KCNG2: variants seen among roughly 807,000 people sequenced by gnomAD.
The protein encoded by KCNG2 is potassium voltage-gated channel modifier subfamily G member 2, also known as voltage-gated potassium channel regulatory subunit KCNG2.
A neutral mutation model predicts 12.3 loss-of-function variants in KCNG2; 7 were observed. The ratio of observed to expected loss-of-function variants is 0.57; its 90% confidence interval spans 0.32 to 1.07. KCNG2 has a LOEUF of 1.07. Ranked by LOEUF, KCNG2 falls within the 50% of genes least tolerant of loss-of-function variation. The pLI is 0.04. For synonymous variants in KCNG2, 414 were observed against 351.4 expected, an observed-to-expected ratio of 1.18 and a Z score of -1.99; for missense variants, 703 against 726.0, an observed-to-expected ratio of 0.97 and a Z score of 0.36.
chr18:79,825,365 C>T (rs1288968950), intron 1 of KCNG2, among the ~76,000 whole-genome samples: 1 of 152,196 alleles, frequency 6.6e-6, no homozygotes, highest in Non-Finnish European at 1.5e-5. Context: ...CCTAAGTCAT[C>T]CTACAGCTAT....
At position 79,807,327 on chromosome 18, in the gene KCNG2, G is replaced by A. The variant is rs554249567; in HGVS notation, c.-115+9313G>A. ...TTGGGGTGCCGCGAGCAAACCTCAC[G>A]CCCTCCTCACCTTGCCGACGCTCTC... is the stretch of plus-strand genomic sequence containing the variant. On this transcript the variant is annotated intron_variant, in intron 1 of 3. Coordinates refer to ENST00000316249, the MANE Select transcript of KCNG2 (RefSeq NM_012283.2). Among the ~76,000 whole-genome samples, 75 of 152,196 alleles carry A rather than the reference G, an allele frequency of 4.9e-4. No homozygotes were observed. In the South Asian group the frequency reaches 0.015, roughly 30 times the overall value.
In KCNG2 at chr18:79,889,333, C is replaced by T. The variant is rs367551296; in HGVS notation, c.625-9707C>T. On this transcript the variant is annotated intron_variant, in intron 3 of 3. Transcript: ENST00000316249. ...AATTTTTGCGTATGGTTCAGGTAAG[C>T]GCTCAGCTGGATTCCTTTGTGTGTG... Among the ~76,000 whole-genome samples the T allele has an allele frequency of 1.7e-4, 26 of 152,294 alleles. 1 individual carries two copies. The South Asian group carries it at 2.5e-3, about 15-fold the overall frequency.
rs552508181 is a variant in KCNG2, at chr18:79,856,431, C to A, written c.-62C>A. Among the ~76,000 whole-genome samples, 10 of 152,342 alleles carry A rather than the reference C, an allele frequency of 6.6e-5. No homozygotes were observed. In the East Asian group the frequency reaches 1.9e-3, roughly 29 times the overall value. ...TTCACCGGTTCCCTGAAAGAGAATA[C>A]CCTGTACCTTCACAGAGCCAGGTAA... On this transcript the variant is annotated 5_prime_UTR_variant, in exon 2 of 4. Coordinates refer to ENST00000316249, the MANE Select transcript of KCNG2 (RefSeq NM_012283.2).
chr18:79,823,980 T>C (rs1037294573), intron 1 of KCNG2, among the ~76,000 whole-genome samples: 1 of 152,248 alleles, frequency 6.6e-6, no homozygotes, highest in Non-Finnish European at 1.5e-5. Flanking sequence ...TTTTTCCTAC[T>C]GTAAATGGAC....
At chr18:79,858,267 G>T (rs1194512687) in intron 2 of KCNG2, among the ~76,000 whole-genome samples, 1 of 152,260 alleles carries the variant, frequency 6.6e-6, no homozygotes, top group African/African-American at 2.4e-5. Flanking sequence ...CTCCCAAAAT[G>T]CTGGGATTAC....
In KCNG2 at chr18:79,873,434, C is replaced by G. The variant is rs966497355; in HGVS notation, c.624+9143C>G. On this transcript the variant is annotated intron_variant, in intron 3 of 3. Transcript: ENST00000316249. ...GCTCCTGCCGGCCCCCCTCCCCCCC[C>G]CCCAGCCACCTCCTGTCAGTCTTCC... Among the ~76,000 whole-genome samples the G allele has an allele frequency of 4.9e-3, 704 of 145,154 alleles. 15 individuals are homozygous for G. The highest frequency in any genetic ancestry group is 0.017 in the African/African-American group (652 of 39,424).
intron 3 of KCNG2, among the ~76,000 whole-genome samples, chr18:79,871,299 C>A (rs1010666422): frequency 6.6e-6 from 1 of 152,236 alleles, no homozygotes; most frequent in Non-Finnish European, 1.5e-5. Flanking sequence ...TGTGGGGGAC[C>A]CTTGGAGCCC....
At chr18:79,818,722 C>T (rs1055473343) in intron 1 of KCNG2, among the ~76,000 whole-genome samples, 2 of 152,198 alleles carry the variant, frequency 1.3e-5, no homozygotes, top group African/African-American at 4.8e-5. Flanking sequence ...TCAGTTCGTA[C>T]CTGCGAGAGA....
chr18:79,861,419 C>T lies in KCNG2; in HGVS notation c.-40-2209C>T, dbSNP rs530343299. On this transcript the variant is annotated intron_variant, in intron 2 of 3. Transcript: ENST00000316249. ...TCAGCCTCCCGAGTAGCTGGGATTA[C>T]GGGCACCTGCCACCACACCCCGCTA... 8.6e-5 allele frequency among the ~76,000 whole-genome samples: 13 copies of T among 152,028 alleles called. No homozygotes were observed. In the South Asian group the frequency reaches 1.2e-3, roughly 15 times the overall value.
intron 1 of KCNG2, among the ~76,000 whole-genome samples, chr18:79,828,703 T>C (rs1000528592): frequency 2.7e-5 from 4 of 149,616 alleles, no homozygotes; most frequent in Admixed American, 1.3e-4. Context: ...CTACAGGAAT[T>C]TGCGTGTGTG....
intron 3 of KCNG2, among the ~76,000 whole-genome samples, chr18:79,883,305 C>T (rs896993562): frequency 2.2e-4 from 34 of 152,200 alleles, no homozygotes; most frequent in Non-Finnish European, 3.8e-4. Flanking sequence ...GGGAGCTGTC[C>T]TGCGTCTTTG....
At chr18:79,888,241 T>C (rs149063087) in intron 3 of KCNG2, among the ~76,000 whole-genome samples, 9 of 151,780 alleles carry the variant, frequency 5.9e-5, no homozygotes, top group Admixed American at 1.3e-4. Flanking sequence ...ACGTTTGGGG[T>C]GGCACGCTGG....
At chr18:79,844,065 G>C (rs1978545005) in intron 1 of KCNG2, among the ~76,000 whole-genome samples, 1 of 152,152 alleles carries the variant, frequency 6.6e-6, no homozygotes, top group Non-Finnish European at 1.5e-5. Context: ...GTAACCAAAA[G>C]AGAGCAGGGG....
intron 1 of KCNG2, among the ~76,000 whole-genome samples, chr18:79,830,996 T>G (rs1599378518): frequency 4.3e-3 from 1 of 232 alleles, no homozygotes. Context: ...TCAGGAGGGT[T>G]CCCTGCGGAC....
intron 1 of KCNG2, among the ~76,000 whole-genome samples, chr18:79,807,140 T>A (rs1402306632): frequency 1.3e-5 from 2 of 152,296 alleles, no homozygotes; most frequent in East Asian, 3.9e-4. Context: ...AGCACCCACC[T>A]CAGCCTGCCT....
chr18:79,893,663 C>A (rs1257981134), intron 3 of KCNG2, among the ~76,000 whole-genome samples: 1 of 149,942 alleles, frequency 6.7e-6, no homozygotes, highest in East Asian at 2.0e-4. Context: ...TCTAATGGTT[C>A]GATTGATATA....
chr18:79,880,279 T>C (rs1240861035), intron 3 of KCNG2, among the ~76,000 whole-genome samples: 2 of 137,588 alleles, frequency 1.5e-5, no homozygotes, highest in Non-Finnish European at 3.0e-5. Context: ...ATCGCGCCAC[T>C]GCCCTCCAGC....
At position 79,863,689 on chromosome 18, in the gene KCNG2, C is replaced by A; in HGVS notation, c.22C>A (p.Pro8Thr). The change falls in exon 3 of 4, where the codon CCG becomes ACG. Residue 8 changes from proline (P) to threonine (T), a missense_variant. Coordinates refer to ENST00000316249, the MANE Select transcript of KCNG2 (RefSeq NM_012283.2). ...GCGCATGGAGCCATGGCCCTGCTCC[C>A]CGGGCGGCGGCGGCGGGACCCGCGC... MEPWPCS[P>T]GGGGGTRARH... 1.7e-6 allele frequency: 2 copies of A among 1,185,082 alleles called. No individual in the cohort carries two copies. The highest frequency in any genetic ancestry group is 8.4e-5 in the South Asian group (2 of 23,846). 73.4% of individuals were successfully genotyped at this position (1,185,082 alleles called of 1,614,324 possible).
intron 1 of KCNG2, among the ~76,000 whole-genome samples, chr18:79,833,082 A>G (rs1219883836): frequency 6.6e-6 from 1 of 152,114 alleles, no homozygotes; most frequent in South Asian, 2.1e-4. Context: ...AGTGTTCCTC[A>G]AGCTCTATAA....
Sources: gnomAD v4.1 joint callset for allele counts (sites outside exome capture counted in the v4.1 genomes callset) on GRCh38, gnomAD v4.1.1 for gene constraint, MANE v1.5 for transcripts, NCBI Gene and HGNC (gene_info 2026-07-23, HGNC 2026-07-21) for gene names.